Variants in SAMD4A observed in about 807,000 individuals in gnomAD.
SAMD4A encodes protein Smaug homolog 1.
SAMD4A carries 33 observed loss-of-function variants against 81.3 expected under a neutral mutation model. The observed-to-expected ratio is 0.41, with a 90% CI of 0.31 to 0.54. The LOEUF (loss-of-function observed/expected upper bound fraction) is 0.54. Ranked by LOEUF, SAMD4A falls within the 20% of genes least tolerant of loss-of-function variation. The pLI, the probability that SAMD4A is intolerant of heterozygous loss-of-function variation, is 0.37. For synonymous variants in SAMD4A, 389 were observed against 382.1 expected, an observed-to-expected ratio of 1.02 and a Z score of -0.21; for missense variants, 854 against 951.1, an observed-to-expected ratio of 0.90 and a Z score of 1.34.
intron 6 of SAMD4A, among the ~76,000 whole-genome samples, chr14:54,759,454 C>G (rs1044954694): frequency 1.3e-5 from 2 of 152,208 alleles, no homozygotes; most frequent in African/African-American, 2.4e-5. Flanking sequence ...GGTCCCTGCC[C>G]CATGTCACCC....
At position 54,737,255 on chromosome 14, in the gene SAMD4A, A is replaced by G. The variant is rs537075230; in HGVS notation, c.947A>G (p.Asn316Ser). The change falls in exon 4 of 13, where the codon AAC (asparagine) becomes AGC (serine). Residue 316 changes from asparagine (N) to serine (S), a missense_variant. Asn to Ser is a conservative substitution (Grantham distance 46, BLOSUM62 1). Around this residue, in one of 3 missense-constraint regions of SAMD4A, gnomAD observed 387 missense variants for 405.8 expected, o/e 0.95. Coordinates refer to ENST00000554335, the MANE Select transcript of SAMD4A (RefSeq NM_015589.6). Reference protein sequence around the residue: ...EHLEDQTTARNTFQEEGSGMK... With the variant: ...EHLEDQTTARSTFQEEGSGMK... ...TTAGAAGATCAGACCACTGCTCGTA[A>G]CACATTCCAAGAAGAAGGTAGTGGG... The G allele has an allele frequency of 1.7e-5, 28 of 1,614,174 alleles. No homozygotes were observed. The highest frequency in any genetic ancestry group is 1.7e-4 in the African/African-American group (13 of 75,046).
chr14:54,598,645 A>G (rs2033974828), intron 2 of SAMD4A, among the ~76,000 whole-genome samples: 1 of 152,238 alleles, frequency 6.6e-6, no homozygotes, highest in South Asian at 2.1e-4. Flanking sequence ...CACCCCTTTT[A>G]AAAATTGCTG....
At chr14:54,733,862 T>C (rs1413907012) in intron 3 of SAMD4A, among the ~76,000 whole-genome samples, 1 of 152,080 alleles carries the variant, frequency 6.6e-6, no homozygotes, top group Non-Finnish European at 1.5e-5. Context: ...AATGTCCATA[T>C]GACCCTCTGT....
At chr14:54,745,041 T>A (rs2037932988) in intron 4 of SAMD4A, among the ~76,000 whole-genome samples, 1 of 152,210 alleles carries the variant, frequency 6.6e-6, no homozygotes, top group Non-Finnish European at 1.5e-5. Flanking sequence ...GATCTTCAAG[T>A]ACTGTCAATT....
intron 2 of SAMD4A, among the ~76,000 whole-genome samples, chr14:54,652,408 A>G (rs1422870016): frequency 1.3e-5 from 2 of 152,228 alleles, no homozygotes; most frequent in South Asian, 4.1e-4. Flanking sequence ...ATGCCAGCAC[A>G]TTCCTCTCCG....
intron 3 of SAMD4A, among the ~76,000 whole-genome samples, chr14:54,718,905 A>G (rs1010492539): frequency 6.6e-6 from 1 of 152,062 alleles, no homozygotes; most frequent in African/African-American, 2.4e-5. Flanking sequence ...TGGAAGGCTG[A>G]AGCAGGAGAA....
At chr14:54,569,800 G>A (rs1027613630) in intron 2 of SAMD4A, among the ~76,000 whole-genome samples, 4 of 152,196 alleles carry the variant, frequency 2.6e-5, no homozygotes, top group African/African-American at 9.7e-5. Flanking sequence ...GGTAGGGACT[G>A]TTCAAACTCA....
At chr14:54,748,948 C>T (rs538022677) in intron 5 of SAMD4A, 24 bp downstream of exon 5, 7 of 1,510,076 alleles carry the variant, frequency 4.6e-6, no homozygotes, top group African/African-American at 2.8e-5. Context: ...GTGACTGTTC[C>T]CTGAGAGGGT....
chr14:54,613,077 A>C (rs570480233), intron 2 of SAMD4A, among the ~76,000 whole-genome samples: 1 of 152,088 alleles, frequency 6.6e-6, no homozygotes, highest in Admixed American at 6.5e-5. Context: ...AGATCACGCC[A>C]CTGCACTCCA....
At chr14:54,604,936 G>A (rs2034158965) in intron 2 of SAMD4A, among the ~76,000 whole-genome samples, 1 of 152,178 alleles carries the variant, frequency 6.6e-6, no homozygotes, top group African/African-American at 2.4e-5. Flanking sequence ...GTGCATTGCA[G>A]TGTTTTATTT....
intron 2 of SAMD4A, among the ~76,000 whole-genome samples, chr14:54,602,651 G>A (rs1304852381): frequency 6.6e-6 from 1 of 151,624 alleles, no homozygotes; most frequent in Non-Finnish European, 1.5e-5. Flanking sequence ...CTGTTGTGGG[G>A]TGGGGGGAGT....
chr14:54,694,747 G>A, intron 2 of SAMD4A: 2 of 985,436 alleles, frequency 2.0e-6, no homozygotes, highest in Non-Finnish European at 2.4e-6. Context: ...ATCTGAAGGT[G>A]AATCCTAACC....
chr14:54,671,460 A>G (rs947796932), intron 2 of SAMD4A, among the ~76,000 whole-genome samples: 4 of 152,180 alleles, frequency 2.6e-5, no homozygotes, highest in African/African-American at 9.7e-5. Flanking sequence ...AATGGGAGTG[A>G]TTGTTAAATG....
Position 54,630,591 on chromosome 14 carries a change from A to T in SAMD4A, c.196+62479A>T, listed in dbSNP as rs139349341. Among the ~76,000 whole-genome samples, 409 of 152,262 alleles carry T rather than the reference A, an allele frequency of 2.7e-3. 2 individuals are homozygous for T. Among genetic ancestry groups the T allele is most frequent in the African/African-American group, 9.2e-3 (381 of 41,546 alleles). ...ATTCTGAGTATTAACCCCTTATCAG[A>T]TATACGTATGAGTCTTTAGCTTTTA... On this transcript the variant is annotated intron_variant, in intron 2 of 12. Transcript: ENST00000554335.
intron 2 of SAMD4A, among the ~76,000 whole-genome samples, chr14:54,577,953 T>C (rs1014311806): frequency 3.1e-4 from 47 of 152,190 alleles, no homozygotes; most frequent in African/African-American, 1.1e-3. Context: ...AACTTTATGA[T>C]GATTAGGGCT....
At chr14:54,717,591 GACC>G (rs1418426466) in intron 3 of SAMD4A, among the ~76,000 whole-genome samples, 1 of 152,130 alleles carries the variant, frequency 6.6e-6, no homozygotes, top group African/African-American at 2.4e-5. Flanking sequence ...GGGTAAAAAT[GACC>G]ACATTTATAG....
chr14:54,708,964 T>C (rs2036922284), intron 3 of SAMD4A, among the ~76,000 whole-genome samples: 2 of 152,078 alleles, frequency 1.3e-5, no homozygotes, highest in Admixed American at 6.6e-5. Context: ...TGGAGAAAAG[T>C]GATGTTTAGA....
chr14:54,723,991 T>A (rs12147610), intron 3 of SAMD4A, among the ~76,000 whole-genome samples: 1 of 134,632 alleles, frequency 7.4e-6, no homozygotes, highest in East Asian at 2.9e-4. Flanking sequence ...CAGCAAATAT[T>A]GGATGGATGG....
chr14:54,684,497 G>C (rs2036203703), intron 2 of SAMD4A, among the ~76,000 whole-genome samples: 1 of 152,214 alleles, frequency 6.6e-6, no homozygotes, highest in Admixed American at 6.5e-5. Flanking sequence ...ATCTAGCTGT[G>C]CCTCCCATCC....
Sources: gnomAD v4.1 joint callset for allele counts (sites outside exome capture counted in the v4.1 genomes callset) on GRCh38, gnomAD v4.1.1 for gene constraint, gnomAD v4.1.1 regional missense constraint, MANE v1.5 for transcripts, NCBI Gene and HGNC (gene_info 2026-07-23, HGNC 2026-07-21) for gene names.